CACNA1D: variants seen among roughly 807,000 people sequenced by gnomAD.
The protein encoded by CACNA1D is voltage-dependent L-type calcium channel subunit alpha-1D.
In CACNA1D, 55 loss-of-function variants were observed where a neutral mutation model predicts 257.1. That is an observed-to-expected ratio of 0.21 (90% CI 0.17 to 0.27). The LOEUF is 0.27. CACNA1D is among the 10% of genes least tolerant of loss of function. The probability of loss-of-function intolerance (pLI) is 1.00; values close to 1 mark genes in which losing one functional copy is unlikely to be tolerated. For synonymous variants in CACNA1D, 980 were observed against 1,014.9 expected, an observed-to-expected ratio of 0.97 and a Z score of 0.65; for missense variants, 1,876 against 2,784.0, an observed-to-expected ratio of 0.67 and a Z score of 7.34.
At chr3:53,734,092 T>C (rs1428992852) in intron 19 of CACNA1D, among the ~76,000 whole-genome samples, 1 of 149,608 alleles carries the variant, frequency 6.7e-6, no homozygotes, top group Non-Finnish European at 1.5e-5. Flanking sequence ...TACAAAGCAC[T>C]CCTGCCCTCA....
intron 7 of CACNA1D, among the ~76,000 whole-genome samples, chr3:53,671,834 A>G (rs1045589555): frequency 6.6e-5 from 10 of 152,214 alleles, no homozygotes; most frequent in Admixed American, 2.6e-4. Context: ...GCCAGATCAT[A>G]TGCAGGAAAG....
At chr3:53,699,992 A>G (rs1485632340) in intron 8 of CACNA1D, among the ~76,000 whole-genome samples, 1 of 151,530 alleles carries the variant, frequency 6.6e-6, no homozygotes, top group African/African-American at 2.4e-5. Context: ...AATTAGGAAG[A>G]TAGTAAAAGA....
At chr3:53,689,714 A>G (rs954352980) in intron 8 of CACNA1D, among the ~76,000 whole-genome samples, 4 of 152,292 alleles carry the variant, frequency 2.6e-5, no homozygotes, top group Non-Finnish European at 4.4e-5. Flanking sequence ...GCAGCAGTGC[A>G]ATGGTGCGAT....
intron 40 of CACNA1D, among the ~76,000 whole-genome samples, chr3:53,792,933 G>A (rs1011087046): frequency 6.6e-5 from 10 of 152,358 alleles, no homozygotes; most frequent in Admixed American, 5.9e-4. Flanking sequence ...GGAGCTCACA[G>A]TAGGTGTTGT....
intron 22 of CACNA1D, among the ~76,000 whole-genome samples, chr3:53,744,248 A>G (rs1226788856): frequency 9.6e-6 from 1 of 104,174 alleles, no homozygotes; most frequent in African/African-American, 3.6e-5. Context: ...CCACCCCCAC[A>G]GGTTGTGCTC....
chr3:53,770,435 G>C lies in CACNA1D; in HGVS notation c.3927G>C (p.Glu1309Asp), dbSNP rs752959799. The C allele has an allele frequency of 6.2e-6, 10 of 1,614,034 alleles. No individual in the cohort carries two copies. The highest frequency in any genetic ancestry group is 8.5e-6 in the Non-Finnish European group (10 of 1,179,890). Residue 1309 changes from glutamate to aspartate, a missense_variant, in exon 32 of 48, where the codon GAG (glutamate) becomes GAC (aspartate). Glu to Asp is a conservative substitution (Grantham distance 45). Coordinates refer to ENST00000350061, the MANE Select transcript of CACNA1D (RefSeq NM_001128840.3). The part of the protein sequence containing the change: ...VPTATPGNSE[E>D]SNRISITFFR... ...TGATAACCCTTCAGAACTCTGAAGA[G>C]AGCAATAGAATCTCCATCACCTTTT...
chr3:53,791,250 G>A, intron 40 of CACNA1D: 4 of 540,360 alleles, frequency 7.4e-6, no homozygotes, highest in Non-Finnish European at 1.3e-5. Flanking sequence ...GCTCACGGTG[G>A]TTCTTTTTCG....
intron 3 of CACNA1D, among the ~76,000 whole-genome samples, chr3:53,583,894 C>A (rs1201183652): frequency 6.6e-6 from 1 of 152,184 alleles, no homozygotes; most frequent in Non-Finnish European, 1.5e-5. Context: ...TTTTCAAAGT[C>A]CTTTTTTCCT....
At chr3:53,750,865 C>G (rs1165565346) in intron 27 of CACNA1D, among the ~76,000 whole-genome samples, 2 of 152,218 alleles carry the variant, frequency 1.3e-5, no homozygotes, top group African/African-American at 4.8e-5. Flanking sequence ...GCTGAGGGCT[C>G]TTGGGGCTAG....
intron 3 of CACNA1D, among the ~76,000 whole-genome samples, chr3:53,590,284 C>G (rs956433234): frequency 2.0e-5 from 3 of 152,242 alleles, no homozygotes; most frequent in Admixed American, 1.3e-4. Context: ...TCCCTCACTT[C>G]GTCTATTACT....
rs545478586 is a variant in CACNA1D, at chr3:53,720,961, T to C, written c.1505+1180T>C. Among the ~76,000 whole-genome samples the C allele has an allele frequency of 6.6e-5, 10 of 152,320 alleles. No individual in the cohort carries two copies. In the South Asian group the frequency reaches 1.9e-3, roughly 28 times the overall value. On this transcript the variant is annotated intron_variant, in intron 11 of 47. Transcript: ENST00000350061. ...TACATACAAAGTTGTAACATGAATG[T>C]TTGTACCAGTTTTATTCATGCTTAC... is the stretch of plus-strand genomic sequence containing the variant.
rs185894229 is a variant in CACNA1D at position 53,579,486 on chromosome 3, G to A, written c.484-71293G>A. Among the ~76,000 whole-genome samples the A allele has an allele frequency of 2.4e-3, 364 of 152,234 alleles. 3 individuals carry two copies. The highest frequency in any genetic ancestry group is 8.5e-3 in the African/African-American group (352 of 41,540). On this transcript the variant is annotated intron_variant, in intron 3 of 47. Transcript: ENST00000350061. ...TGAACCAAAAAACCTTATCATTTAG[G>A]ACATGATATCCTTTCTGAGGTTTGA...
At chr3:53,801,564 T>G (rs781471429) in intron 42 of CACNA1D, 139 bp downstream of exon 42, 12 of 1,109,608 alleles carry the variant, frequency 1.1e-5, no homozygotes, top group Non-Finnish European at 1.2e-5. Context: ...TCAGGATCTG[T>G]GAGTGCCCCC....
intron 3 of CACNA1D, among the ~76,000 whole-genome samples, chr3:53,617,119 A>G (rs570346449): frequency 6.6e-6 from 1 of 152,190 alleles, no homozygotes; most frequent in African/African-American, 2.4e-5. Context: ...CTAGCCCTCT[A>G]TGTTGTCAGC....
At position 53,673,926 on chromosome 3, in the gene CACNA1D, T is replaced by C. The variant is rs1576311080; in HGVS notation, c.1220+800T>C. On this transcript the variant is annotated intron_variant, in intron 8 of 47. Coordinates refer to ENST00000350061, the MANE Select transcript of CACNA1D (RefSeq NM_001128840.3). This position sits in a 1 kb window ranked among gnomAD's most constrained non-coding sequence, Gnocchi z 4.1. ...TTCTCTGCATGTGTTTGGACTCTGATGTCCTCTCAGTGTGTTGCTTTTGGA... is the reference window on the plus strand; with the variant it reads ...TTCTCTGCATGTGTTTGGACTCTGACGTCCTCTCAGTGTGTTGCTTTTGGA... 4 of 766,140 alleles carry C rather than the reference T, an allele frequency of 5.2e-6. No individual in the cohort carries two copies. The East Asian group carries it at 9.9e-5, about 19-fold the overall frequency. The allele number at this position is 766,140 out of a possible 1,614,324, so 47.5% of individuals were successfully genotyped here.
At chr3:53,539,542 G>A (rs1320909471) in intron 3 of CACNA1D, among the ~76,000 whole-genome samples, 1 of 152,208 alleles carries the variant, frequency 6.6e-6, no homozygotes, top group African/African-American at 2.4e-5. Flanking sequence ...CAGTCAAGTT[G>A]TTTCTAGTTT....
chr3:53,682,367 A>AAAAAAAAAAAAAAC, intron 8 of CACNA1D, among the ~76,000 whole-genome samples: 1 of 60,982 alleles, frequency 1.6e-5, no homozygotes, highest in Non-Finnish European at 3.5e-5. Flanking sequence ...GTCTCTGGTA[A>AAAAAAAAAAAAAAC]AAAAAAAAAA....
chr3:53,741,649 A>G (rs1326173638), intron 21 of CACNA1D, among the ~76,000 whole-genome samples: 2 of 152,132 alleles, frequency 1.3e-5, no homozygotes, highest in Non-Finnish European at 2.9e-5. Flanking sequence ...GCTCTTGTTG[A>G]TGAGGCCTCT....
At chr3:53,740,696 A>G (rs1160932056) in intron 21 of CACNA1D, among the ~76,000 whole-genome samples, 1 of 150,840 alleles carries the variant, frequency 6.6e-6, no homozygotes, top group East Asian at 1.9e-4. Context: ...TGTAGGAGCC[A>G]CTCTGGCTTC....
Sources: allele counts gnomAD v4.1 joint callset (sites outside exome capture counted in the v4.1 genomes callset), GRCh38; gene constraint gnomAD v4.1.1; non-coding constraint Gnocchi (gnomAD v3.1); transcripts MANE v1.5; gene names NCBI Gene and HGNC (gene_info 2026-07-23, HGNC 2026-07-21).